The following ELP2 variants were observed in gnomAD, a reference collection of about 807,000 sequenced individuals.
ELP2 encodes elongator complex protein 2.
Under a neutral mutation model 119.2 loss-of-function variants are expected in ELP2, and 90 were observed. The observed-to-expected ratio is 0.75, with a 90% confidence interval of 0.64 to 0.90. The LOEUF (loss-of-function observed/expected upper bound fraction) is 0.90. Among genes scored for constraint, ELP2 ranks in the 40% least tolerant of loss-of-function variants. The probability of loss-of-function intolerance (pLI) is 0.00; values close to 1 mark genes in which losing one functional copy is unlikely to be tolerated. For missense variants in ELP2, 921 were observed against 967.8 expected, an observed-to-expected ratio of 0.95 and a Z score of 0.64; for synonymous variants, 339 against 331.0, an observed-to-expected ratio of 1.02 and a Z score of -0.26.
At chr18:36,170,253 G>A in intron 20 of ELP2, 57 bp downstream of exon 20, 2 of 1,598,584 alleles carry the variant, frequency 1.3e-6, no homozygotes, top group Non-Finnish European at 1.7e-6. Flanking sequence ...TTAATATGTA[G>A]CCCTCATGTC....
Position 36,171,093 on chromosome 18 carries a change from ACC to A in ELP2, c.2258_2259del (p.Thr753MetfsTer5), listed in dbSNP as rs1359096235. 6.2e-7 allele frequency: 1 copy of A among 1,614,156 alleles called. No individual in the cohort carries two copies. The highest frequency in any genetic ancestry group is 8.5e-7 in the Non-Finnish European group (1 of 1,179,974). On this transcript the variant is annotated frameshift_variant, in exon 21 of 22. Transcript: ENST00000358232. LOFTEE classifies it high-confidence loss of function. ...GGAGTGTGGAAAGATTTGCTTATAT[ACC>A]TGGAAAAAGACTGATCAAGTTCCAG... ...GLECGKICLY[T>X]WKKTDQVPEI...
At chr18:36,140,855 G>T (rs906579353) in intron 5 of ELP2, among the ~76,000 whole-genome samples, 5 of 152,128 alleles carry the variant, frequency 3.3e-5, no homozygotes, top group Non-Finnish European at 5.9e-5. Context: ...AGTTGCTCTT[G>T]AGCTTATTTT....
intron 11 of ELP2, among the ~76,000 whole-genome samples, chr18:36,149,230 T>C (rs1479280530): frequency 3.9e-5 from 6 of 152,202 alleles, no homozygotes; most frequent in Non-Finnish European, 4.4e-5. Flanking sequence ...AGAATTGCCA[T>C]TGTGTTGATC....
intron 8 of ELP2, among the ~76,000 whole-genome samples, chr18:36,143,769 C>A (rs892100696): frequency 6.6e-6 from 1 of 152,068 alleles, no homozygotes; most frequent in Admixed American, 6.6e-5. Flanking sequence ...TTCTTCTAAA[C>A]CATATTAGTA....
Position 36,180,273 on chromosome 18 carries a change from CT to C in ELP2, c.*5634del, listed in dbSNP as rs2091305664. 6.6e-6 allele frequency: 1 copy of C among 152,208 alleles called. No homozygotes were observed. Among genetic ancestry groups the C allele is most frequent in the African/African-American group, 2.4e-5 (1 of 41,446 alleles). The allele number at this position is 152,208 out of a possible 1,614,324, so 9.4% of individuals were successfully genotyped here. ...TTCTTGGAAGTCCCATACTATTTTGCTTAATCTCCTCGGGCAGAATTTAGTG... is the reference window on the plus strand; with the variant it reads ...TTCTTGGAAGTCCCATACTATTTTGCTAATCTCCTCGGGCAGAATTTAGTG... On this transcript the variant is annotated 3_prime_UTR_variant, in exon 22 of 22. Transcript: ENST00000358232.
chr18:36,136,520 G>C (rs983423589), intron 3 of ELP2, 143 bp downstream of exon 3: 8 of 725,716 alleles, frequency 1.1e-5, no homozygotes, highest in Non-Finnish European at 1.3e-5. Context: ...TGGGACTACA[G>C]GTGCCTGACA....
chr18:36,135,092 A>G (rs563252532), intron 2 of ELP2, among the ~76,000 whole-genome samples: 3 of 152,336 alleles, frequency 2.0e-5, no homozygotes, highest in African/African-American at 7.2e-5. Flanking sequence ...TTGCAATTAT[A>G]TTAATTGCCA....
intron 3 of ELP2, chr18:36,136,618 A>G: frequency 2.1e-6 from 1 of 479,262 alleles, no homozygotes; most frequent in Admixed American, 3.7e-5. Flanking sequence ...CTCAGAAATG[A>G]CTTTTATATA....
intron 1 of ELP2, among the ~76,000 whole-genome samples, chr18:36,130,470 C>G (rs770304110): frequency 1.3e-5 from 2 of 152,142 alleles, no homozygotes; most frequent in African/African-American, 4.8e-5. Context: ...TCAGTATTTC[C>G]TTCAGTTTTG....
chr18:36,169,012 C>T (rs2090995915), intron 19 of ELP2, among the ~76,000 whole-genome samples: 1 of 150,616 alleles, frequency 6.6e-6, no homozygotes, highest in Non-Finnish European at 1.5e-5. Context: ...GCAACCCCCG[C>T]CTCCCAGGTT....
At chr18:36,149,773 G>T (rs575384460) in intron 11 of ELP2, among the ~76,000 whole-genome samples, 3 of 152,026 alleles carry the variant, frequency 2.0e-5, no homozygotes, top group South Asian at 2.1e-4. Flanking sequence ...CTCATGTTGA[G>T]TGTGAGTACA....
intron 8 of ELP2, among the ~76,000 whole-genome samples, chr18:36,144,426 A>G (rs577315657): frequency 2.6e-4 from 39 of 152,318 alleles, no homozygotes; most frequent in African/African-American, 9.4e-4. Flanking sequence ...GCCTCAGGAA[A>G]CTTAAATTAA....
At position 36,158,442 on chromosome 18, in the gene ELP2, CA is replaced by C. The variant is rs2090634277; in HGVS notation, c.1465-392del. On this transcript the variant is annotated intron_variant, in intron 13 of 21. Transcript: ENST00000358232. ...GCATCTGTGTTTATATGAGCATCATCAGGGGATGTGCCTGTGAGATTATCTT... is the reference window on the plus strand; with the variant it reads ...GCATCTGTGTTTATATGAGCATCATCGGGGATGTGCCTGTGAGATTATCTT... 4 of 181,202 alleles carry C rather than the reference CA, an allele frequency of 2.2e-5. No homozygotes were observed. In the South Asian group the frequency reaches 4.8e-4, roughly 22 times the overall value. 11.2% of individuals were successfully genotyped at this position (181,202 alleles called of 1,614,324 possible).
At chr18:36,142,488 T>A in intron 7 of ELP2, 141 bp downstream of exon 7, 1 of 729,496 alleles carries the variant, frequency 1.4e-6, no homozygotes, top group Non-Finnish European at 2.4e-6. Context: ...AGGAGGATGC[T>A]TATCTCTTCT....
intron 11 of ELP2, among the ~76,000 whole-genome samples, chr18:36,152,196 C>CA (rs34123067): frequency 2.0e-4 from 29 of 144,536 alleles, no homozygotes; most frequent in African/African-American, 5.1e-4. Flanking sequence ...GACCCTATCT[C>CA]AAAAAAAAAA....
At chr18:36,130,197 G>A (rs1444459695) in intron 1 of ELP2, 126 bp downstream of exon 1, 1 of 1,306,758 alleles carries the variant, frequency 7.7e-7, no homozygotes, top group Non-Finnish European at 1.1e-6. Context: ...AGGGGAGCGG[G>A]GTTTGGGCTC....
At chr18:36,132,874 C>T (rs1461100528) in intron 1 of ELP2, among the ~76,000 whole-genome samples, 2 of 151,880 alleles carry the variant, frequency 1.3e-5, no homozygotes, top group African/African-American at 4.8e-5. Context: ...CATAGTAGGC[C>T]TACTTCCACA....
intron 1 of ELP2, 62 bp downstream of exon 1, chr18:36,130,133 C>A: frequency 6.2e-7 from 1 of 1,609,486 alleles, no homozygotes; most frequent in Non-Finnish European, 8.5e-7. Context: ...TGGACGTGCT[C>A]CGGGCGCGCT....
intron 11 of ELP2, among the ~76,000 whole-genome samples, chr18:36,150,647 C>T (rs1033544221): frequency 3.9e-5 from 6 of 152,206 alleles, no homozygotes; most frequent in African/African-American, 1.4e-4. Flanking sequence ...ATTTATCCTT[C>T]CCAGCACTCT....
Sources: allele counts gnomAD v4.1 joint callset (sites outside exome capture counted in the v4.1 genomes callset), GRCh38; gene constraint gnomAD v4.1.1; transcripts MANE v1.5; gene names NCBI Gene and HGNC (gene_info 2026-07-23, HGNC 2026-07-21).